Variants in RNGTT observed in about 807,000 individuals in gnomAD.
RNGTT encodes the protein RNA guanylyltransferase and 5'-phosphatase.
In RNGTT, 33 loss-of-function variants were observed where a neutral mutation model predicts 79.3. The ratio of observed to expected loss-of-function variants is 0.42; its 90% CI spans 0.32 to 0.56. The LOEUF is 0.56. Ranked by LOEUF, RNGTT falls within the 20% of genes least tolerant of loss-of-function variation. RNGTT has a pLI of 0.17. For synonymous variants in RNGTT, 222 were observed against 235.9 expected, an observed-to-expected ratio of 0.94 and a Z score of 0.54; for missense variants, 497 against 739.1, an observed-to-expected ratio of 0.67 and a Z score of 3.80.
intron 13 of RNGTT, among the ~76,000 whole-genome samples, chr6:88,759,977 T>C (rs1253661649): frequency 6.6e-6 from 1 of 152,106 alleles, no homozygotes; most frequent in East Asian, 1.9e-4. Context: ...GAAATTGCAA[T>C]TAATGAAAAT....
At chr6:88,668,275 C>T (rs889695680) in intron 14 of RNGTT, among the ~76,000 whole-genome samples, 1 of 152,246 alleles carries the variant, frequency 6.6e-6, no homozygotes, top group Non-Finnish European at 1.5e-5. Context: ...ACCACAGCCA[C>T]GTGAAACCCA....
At chr6:88,767,678 C>CA (rs58712575) in intron 13 of RNGTT, among the ~76,000 whole-genome samples, 1,628 of 83,474 alleles carry the variant, frequency 0.02, 49 homozygotes, top group African/African-American at 0.037. Context: ...TCACTTGTGT[C>CA]AAAAAAAAAA....
chr6:88,821,405 GA>G (rs1310830573), intron 11 of RNGTT, among the ~76,000 whole-genome samples: 1 of 151,926 alleles, frequency 6.6e-6, no homozygotes, highest in African/African-American at 2.4e-5. Flanking sequence ...TCAAATTTCT[GA>G]AAAATATGCT....
chr6:88,871,885 A>C (rs577836166), intron 8 of RNGTT, among the ~76,000 whole-genome samples: 42 of 152,176 alleles, frequency 2.8e-4, no homozygotes, highest in Non-Finnish European at 5.3e-4. Context: ...GCCACGAAGA[A>C]GATGGAAAAG....
intron 4 of RNGTT, among the ~76,000 whole-genome samples, chr6:88,922,273 G>C (rs916814761): frequency 3.3e-5 from 5 of 151,910 alleles, no homozygotes; most frequent in African/African-American, 1.2e-4. Flanking sequence ...TTATGGGGTA[G>C]AGTGTGATAT....
At chr6:88,845,659 A>G (rs1418941208) in intron 10 of RNGTT, among the ~76,000 whole-genome samples, 1 of 152,226 alleles carries the variant, frequency 6.6e-6, no homozygotes, top group Non-Finnish European at 1.5e-5. Flanking sequence ...GCACTTGCTT[A>G]AGGAGTAAAC....
At position 88,633,747 on chromosome 6, in the gene RNGTT, C is replaced by T. The variant is rs1024240610; in HGVS notation, c.1507-19352G>A. 2.0e-5 allele frequency among the ~76,000 whole-genome samples: 3 copies of T among 152,052 alleles called. No homozygotes were observed. In the South Asian group the frequency reaches 6.2e-4, roughly 32 times the overall value. On this transcript the variant is annotated intron_variant, in intron 14 of 15. Transcript: ENST00000369485. ...AAACAGAATCAGCCCAACCTAATGG[C>T]CAAATCATAAGGGTAATTAGTAGTT... is the stretch of plus-strand genomic sequence containing the variant.
rs1033730440 is a variant in RNGTT at position 88,610,897 on chromosome 6, A to G, written c.*1822T>C. The G allele has an allele frequency of 1.3e-5, 2 of 152,194 alleles. No homozygotes were observed. Among genetic ancestry groups the G allele is most frequent in the African/African-American group, 4.8e-5 (2 of 41,452 alleles). The allele number at this position is 152,194 out of a possible 1,614,324, so 9.4% of individuals were successfully genotyped here. On this transcript the variant is annotated 3_prime_UTR_variant, in exon 16 of 16. Coordinates refer to ENST00000369485, the MANE Select transcript of RNGTT (RefSeq NM_003800.5). ...GAGGGAAAGCAGCACACCGTGGAAGAGTCACTCGTCCTGGGGAAGCAGGCA... is the reference window on the plus strand; with the variant it reads ...GAGGGAAAGCAGCACACCGTGGAAGGGTCACTCGTCCTGGGGAAGCAGGCA...
chr6:88,655,812 G>A (rs1298397664), intron 14 of RNGTT, among the ~76,000 whole-genome samples: 1 of 145,466 alleles, frequency 6.9e-6, no homozygotes, highest in Non-Finnish European at 1.5e-5. Flanking sequence ...AGATGGCCCT[G>A]TAGCTTTGTG....
intron 14 of RNGTT, among the ~76,000 whole-genome samples, chr6:88,664,166 C>A (rs538871446): frequency 2.0e-5 from 3 of 152,004 alleles, no homozygotes; most frequent in Non-Finnish European, 4.4e-5. Context: ...AAGGCTAATG[C>A]GGTATAGGGA....
At chr6:88,889,697 T>C (rs2127933795) in intron 8 of RNGTT, among the ~76,000 whole-genome samples, 1 of 152,274 alleles carries the variant, frequency 6.6e-6, no homozygotes, top group Non-Finnish European at 1.5e-5. Flanking sequence ...CAAAAAAATA[T>C]GGATTACAAA....
intron 12 of RNGTT, among the ~76,000 whole-genome samples, chr6:88,799,407 G>C (rs1049686020): frequency 5.3e-5 from 8 of 152,204 alleles, no homozygotes; most frequent in African/African-American, 1.9e-4. Context: ...GTAATAAAAA[G>C]TGTGGTTACG....
chr6:88,807,278 ATTG>A (rs1206820549), intron 11 of RNGTT, among the ~76,000 whole-genome samples: 1 of 152,242 alleles, frequency 6.6e-6, no homozygotes, highest in Non-Finnish European at 1.5e-5. Flanking sequence ...TAAAAATAAC[ATTG>A]TAAATGATCT....
chr6:88,689,465 G>A (rs555482019), intron 13 of RNGTT, among the ~76,000 whole-genome samples: 1 of 151,904 alleles, frequency 6.6e-6, no homozygotes, highest in Non-Finnish European at 1.5e-5. Context: ...ATGGTGGCAG[G>A]TGCCTGTAAT....
intron 11 of RNGTT, among the ~76,000 whole-genome samples, chr6:88,811,893 C>G (rs2127871741): frequency 6.6e-6 from 1 of 152,140 alleles, no homozygotes; most frequent in Non-Finnish European, 1.5e-5. Context: ...TCATAACTCC[C>G]CACAAATCCA....
At chr6:88,864,696 A>G (rs1454973388) in intron 8 of RNGTT, among the ~76,000 whole-genome samples, 2 of 152,162 alleles carry the variant, frequency 1.3e-5, no homozygotes, top group African/African-American at 2.4e-5. Flanking sequence ...AAGCAATCCA[A>G]GTATCCATGG....
intron 12 of RNGTT, among the ~76,000 whole-genome samples, chr6:88,792,998 T>C (rs1203926283): frequency 1.3e-5 from 2 of 152,146 alleles, no homozygotes; most frequent in African/African-American, 4.8e-5. Flanking sequence ...GAATGTAAAA[T>C]AACCACTGAA....
chr6:88,928,163 G>C (rs1784381649), intron 4 of RNGTT, among the ~76,000 whole-genome samples: 1 of 152,090 alleles, frequency 6.6e-6, no homozygotes, highest in African/African-American at 2.4e-5. Flanking sequence ...AGTGAGCCAA[G>C]ATCGCAGCAC....
chr6:88,664,605 C>T (rs1210583228), intron 14 of RNGTT, among the ~76,000 whole-genome samples: 1 of 152,166 alleles, frequency 6.6e-6, no homozygotes, highest in African/African-American at 2.4e-5. Flanking sequence ...AGGAAAAATA[C>T]CCAGTCTGAC....
Sources: allele counts gnomAD v4.1 joint callset (sites outside exome capture counted in the v4.1 genomes callset), GRCh38; gene constraint gnomAD v4.1.1; transcripts MANE v1.5; gene names NCBI Gene and HGNC (gene_info 2026-07-23, HGNC 2026-07-21).